The following GRID2 variants were observed in gnomAD, a reference collection of about 807,000 sequenced individuals.
GRID2 encodes glutamate receptor ionotropic, delta-2.
Under a neutral mutation model 114.8 loss-of-function variants are expected in GRID2, and 33 were observed. The ratio of observed to expected loss-of-function variants is 0.29; its 90% CI spans 0.22 to 0.38. GRID2 has a LOEUF of 0.38. GRID2 is among the 10% of genes least tolerant of loss of function. GRID2 has a pLI of 1.00. For missense variants in GRID2, 1,184 were observed against 1,257.7 expected (o/e 0.94, Z 0.89); for synonymous variants, 505 against 449.9 (o/e 1.12, Z -1.55).
intron 4 of GRID2, among the ~76,000 whole-genome samples, chr4:93,194,801 C>T (rs1741321031): frequency 6.6e-6 from 1 of 152,144 alleles, no homozygotes; most frequent in Admixed American, 6.5e-5. Flanking sequence ...CAACTGAGAA[C>T]TCGTTAGAAA....
chr4:92,684,901 A>G (rs1733828140), intron 2 of GRID2, among the ~76,000 whole-genome samples: 2 of 152,176 alleles, frequency 1.3e-5, no homozygotes, highest in South Asian at 4.1e-4. Context: ...GTGCTAATTT[A>G]TATTAAGTCT....
intron 8 of GRID2, among the ~76,000 whole-genome samples, chr4:93,243,888 A>G (rs1329784827): frequency 6.6e-6 from 1 of 152,078 alleles, no homozygotes; most frequent in African/African-American, 2.4e-5. Context: ...CTCAAAGTCA[A>G]ATTTTGAAAT....
chr4:92,933,193 T>C (rs1750378457), intron 2 of GRID2, among the ~76,000 whole-genome samples: 1 of 150,792 alleles, frequency 6.6e-6, no homozygotes, highest in Non-Finnish European at 1.5e-5. Flanking sequence ...TCCCTTAAAT[T>C]TTACCTCTTA....
intron 2 of GRID2, among the ~76,000 whole-genome samples, chr4:93,009,636 C>T (rs1721916990): frequency 6.6e-6 from 1 of 152,042 alleles, no homozygotes; most frequent in African/African-American, 2.4e-5. Flanking sequence ...TATCCCCTCT[C>T]CCACAATATC....
At chr4:93,176,335 A>G (rs968011600) in intron 4 of GRID2, among the ~76,000 whole-genome samples, 1 of 152,210 alleles carries the variant, frequency 6.6e-6, no homozygotes, top group African/African-American at 2.4e-5. Flanking sequence ...GCCTAAAGTG[A>G]AACAACATCC....
At chr4:92,546,910 G>A (rs1289815322) in intron 1 of GRID2, among the ~76,000 whole-genome samples, 3 of 152,190 alleles carry the variant, frequency 2.0e-5, no homozygotes, top group Non-Finnish European at 4.4e-5. Flanking sequence ...ACACCAAATA[G>A]TTGGTCTAGG....
rs1242907569 is a variant in GRID2, at chr4:92,304,227, C to A, written c.-430C>A. On this transcript the variant is annotated 5_prime_UTR_variant, in exon 1 of 16. Coordinates refer to ENST00000282020, the MANE Select transcript of GRID2 (RefSeq NM_001510.4). The stretch of plus-strand genomic sequence containing the variant: ...GCGGGGGCGGGGGTCTTTTTTGGTC[C>A]GAGAGGGTGCGGGGAAGGGGGCACA... 2 of 187,784 alleles carry A rather than the reference C, an allele frequency of 1.1e-5. No individual in the cohort carries two copies. The highest frequency in any genetic ancestry group is 2.5e-5 in the African/African-American group (1 of 40,612). 11.6% of individuals were successfully genotyped at this position (187,784 alleles called of 1,614,324 possible).
intron 13 of GRID2, among the ~76,000 whole-genome samples, chr4:93,546,487 CT>C (rs1234507487): frequency 6.6e-6 from 1 of 152,052 alleles, no homozygotes; most frequent in Non-Finnish European, 1.5e-5. Flanking sequence ...CAAGGAGGGC[CT>C]GTATGTTGCA....
intron 2 of GRID2, among the ~76,000 whole-genome samples, chr4:92,985,420 G>A (rs1008761228): frequency 5.3e-5 from 8 of 152,022 alleles, no homozygotes; most frequent in African/African-American, 7.2e-5. Flanking sequence ...GTATTTTTTA[G>A]TAGAGACGGG....
chr4:93,453,316 A>AGAGAGAG, intron 10 of GRID2, among the ~76,000 whole-genome samples: 1 of 127,210 alleles, frequency 7.9e-6, no homozygotes, highest in East Asian at 3.0e-4. Flanking sequence ...AGAGATGGGA[A>AGAGAGAG]AGAGAGAGAG....
chr4:93,144,291 T>G (rs1331603247), intron 4 of GRID2, among the ~76,000 whole-genome samples: 1 of 152,232 alleles, frequency 6.6e-6, no homozygotes, highest in Non-Finnish European at 1.5e-5. Flanking sequence ...GTCAGTTTGC[T>G]AAATTCTTTA....
At chr4:93,112,844 C>G (rs190449681) in intron 4 of GRID2, among the ~76,000 whole-genome samples, 1 of 152,228 alleles carries the variant, frequency 6.6e-6, no homozygotes, top group Non-Finnish European at 1.5e-5. Flanking sequence ...TTCACATTTT[C>G]TTCTCTTCGT....
At chr4:92,544,136 T>G (rs887707606) in intron 1 of GRID2, among the ~76,000 whole-genome samples, 3 of 152,162 alleles carry the variant, frequency 2.0e-5, no homozygotes, top group Non-Finnish European at 4.4e-5. Context: ...CTGCAATTCT[T>G]GGAGGAGTTC....
intron 4 of GRID2, among the ~76,000 whole-genome samples, chr4:93,165,158 T>G (rs1355925781): frequency 6.6e-6 from 1 of 152,036 alleles, no homozygotes; most frequent in East Asian, 1.9e-4. Context: ...GAAATATAAA[T>G]TATTTTGTTA....
chr4:92,369,099 C>T lies in GRID2; in HGVS notation c.88+64355C>T, dbSNP rs189722016. ...TAGCTGGTAAAAACCAGCTTTTGCT[C>T]ATTGAAATAATGAGCCAGTAATATA... On this transcript the variant is annotated intron_variant, in intron 1 of 15. Coordinates refer to ENST00000282020, the MANE Select transcript of GRID2 (RefSeq NM_001510.4). 3.2e-3 allele frequency among the ~76,000 whole-genome samples: 494 copies of T among 152,036 alleles called. 5 individuals carry two copies. Among genetic ancestry groups the T allele is most frequent in the African/African-American group, 0.011 (467 of 41,488 alleles).
At chr4:93,753,296 G>A (rs888550647) in intron 14 of GRID2, among the ~76,000 whole-genome samples, 3 of 152,258 alleles carry the variant, frequency 2.0e-5, no homozygotes, top group East Asian at 1.9e-4. Flanking sequence ...ACTCTGAGAT[G>A]TTCTCCCCAG....
chr4:92,508,050 T>C (rs561767809), intron 1 of GRID2, among the ~76,000 whole-genome samples: 1 of 152,128 alleles, frequency 6.6e-6, no homozygotes, highest in African/African-American at 2.4e-5. Context: ...AGTAGCACTT[T>C]TTGCAGCATC....
At chr4:92,331,436 C>T (rs532442056) in intron 1 of GRID2, among the ~76,000 whole-genome samples, 1 of 152,214 alleles carries the variant, frequency 6.6e-6, no homozygotes, top group African/African-American at 2.4e-5. Context: ...AAGAATTTGC[C>T]TTACATATTT....
At chr4:93,042,299 C>A (rs200193035) in intron 2 of GRID2, among the ~76,000 whole-genome samples, 10,340 of 102,428 alleles carry the variant, frequency 0.1, 467 homozygotes, top group East Asian at 0.14. Flanking sequence ...CTCTCTCTCT[C>A]TATATATATA....
Sources: allele counts gnomAD v4.1 joint callset (sites outside exome capture counted in the v4.1 genomes callset), GRCh38; gene constraint gnomAD v4.1.1; transcripts MANE v1.5; gene names NCBI Gene and HGNC (gene_info 2026-07-23, HGNC 2026-07-21).